BRD3OS: variants seen among roughly 807,000 people sequenced by gnomAD.
The protein encoded by BRD3OS is uncharacterized protein BRD3OS.
At position 134,029,836 on chromosome 9, in the gene BRD3OS, C is replaced by T. The variant is rs1172302165; in HGVS notation, c.*2834C>T. 6.6e-6 allele frequency: 1 copy of T among 152,238 alleles called. No homozygotes were observed. Among genetic ancestry groups the T allele is most frequent in the African/African-American group, 2.4e-5 (1 of 41,446 alleles). The allele number at this position is 152,238 out of a possible 1,614,324, so 9.4% of individuals were successfully genotyped here. A position where few individuals can be genotyped will look rare whatever the true frequency, so the allele number is the denominator to read the frequency against. On this transcript the variant is annotated 3_prime_UTR_variant, in exon 3 of 3. Transcript: ENST00000603928. The stretch of plus-strand genomic sequence containing the variant: ...CTGTCTCGAAGAGGGCAGCTTGTTC[C>T]AGGGAACCAATGAACTGTCAGTAAA...
Position 134,027,059 on chromosome 9 carries a change from T to C in BRD3OS, c.*57T>C. The stretch of plus-strand genomic sequence containing the variant: ...ACTTTGAGGAAAACAGACCTGAGTT[T>C]CATTCAGTTGTCTTGTTGATTTCCA... On this transcript the variant is annotated 3_prime_UTR_variant, in exon 3 of 3. Coordinates refer to ENST00000603928, the MANE Select transcript of BRD3OS (RefSeq NM_001355256.2). The C allele has an allele frequency of 2.5e-6, 1 of 398,630 alleles. No homozygotes were observed. Among genetic ancestry groups the C allele is most frequent in the African/African-American group, 2.1e-5 (1 of 48,774 alleles). The allele number at this position is 398,630 out of a possible 1,614,324, so 24.7% of individuals were successfully genotyped here.
rs35773971 is a variant in BRD3OS, at chr9:134,029,365, CGT to C, written c.*2367_*2368del. The C allele has an allele frequency of 4.0e-3, 609 of 152,398 alleles. 2 individuals are homozygous for C. Among genetic ancestry groups the C allele is most frequent in the Middle Eastern group, 6.8e-3 (2 of 294 alleles). The allele number at this position is 152,398 out of a possible 1,614,324, so 9.4% of individuals were successfully genotyped here. ...GGGCCAGTCTCTGCAGGGGTCAGGGCGTGTGGGCCACGCACAAGGAGCTGGCA... is the reference window on the plus strand; with the variant it reads ...GGGCCAGTCTCTGCAGGGGTCAGGGCGTGGGCCACGCACAAGGAGCTGGCA... On this transcript the variant is annotated 3_prime_UTR_variant, in exon 3 of 3. Transcript: ENST00000603928.
rs1843438913 is a variant in BRD3OS at position 134,027,115 on chromosome 9, G to A, written c.*113G>A. The A allele has an allele frequency of 1.0e-5, 4 of 396,512 alleles. No individual in the cohort carries two copies. Among genetic ancestry groups the A allele is most frequent in the Admixed American group, 4.4e-5 (1 of 22,676 alleles). 24.6% of individuals were successfully genotyped at this position (396,512 alleles called of 1,614,324 possible). A position where few individuals can be genotyped will look rare whatever the true frequency, so the allele number is the denominator to read the frequency against. ...TGCTGGAAGATTTTGAATAATGAAC[G>A]TGAAGATCAAACTGTGGTGTAAGAA... On this transcript the variant is annotated 3_prime_UTR_variant, in exon 3 of 3. Transcript: ENST00000603928.
chr9:134,028,177 TGTAA>T lies in BRD3OS; in HGVS notation c.*1176_*1179del, dbSNP rs1022756042. 3 of 152,364 alleles carry T rather than the reference TGTAA, an allele frequency of 2.0e-5. No homozygotes were observed. The highest frequency in any genetic ancestry group is 4.8e-5 in the African/African-American group (2 of 41,586). The allele number at this position is 152,364 out of a possible 1,614,324, so 9.4% of individuals were successfully genotyped here. A position where few individuals can be genotyped will look rare whatever the true frequency, so the allele number is the denominator to read the frequency against. On this transcript the variant is annotated 3_prime_UTR_variant, in exon 3 of 3. Transcript: ENST00000603928. ...CTTCCCATTTTTTATAGCAGTAATA[TGTAA>T]TTGATTGCTAAAGACTGCAATACAC...
At position 134,030,764 on chromosome 9, in the gene BRD3OS, G is replaced by A; in HGVS notation, c.*3762G>A. 4.3e-6 allele frequency: 1 copy of A among 232,070 alleles called. No homozygotes were observed. The highest frequency in any genetic ancestry group is 8.5e-6 in the Non-Finnish European group (1 of 117,258). The allele number at this position is 232,070 out of a possible 1,614,324, so 14.4% of individuals were successfully genotyped here. On this transcript the variant is annotated 3_prime_UTR_variant, in exon 3 of 3. Transcript: ENST00000603928. ...AATGTGTCTTACAGTTTGTAAGCAAGATGACACTGCCCAACACAAAGAGGG... is the reference window on the plus strand; with the variant it reads ...AATGTGTCTTACAGTTTGTAAGCAAAATGACACTGCCCAACACAAAGAGGG...
rs758186044 is a variant in BRD3OS at position 134,027,230 on chromosome 9, G to A, written c.*228G>A. 1 of 340,294 alleles carries A rather than the reference G, an allele frequency of 2.9e-6. No individual in the cohort carries two copies. The highest frequency in any genetic ancestry group is 5.3e-6 in the Non-Finnish European group (1 of 189,736). 21.1% of individuals were successfully genotyped at this position (340,294 alleles called of 1,614,324 possible). A position where few individuals can be genotyped will look rare whatever the true frequency, so the allele number is the denominator to read the frequency against. ...ACACTTCCCCTCTAGAGTCCCCTCC[G>A]TGGTCAGCTGTTGTGACATTTGAAT... On this transcript the variant is annotated 3_prime_UTR_variant, in exon 3 of 3. Transcript: ENST00000603928.
Position 134,030,749 on chromosome 9 carries a change from A to G in BRD3OS, c.*3747A>G. 4.3e-6 allele frequency: 1 copy of G among 232,148 alleles called. No individual in the cohort carries two copies. Among genetic ancestry groups the G allele is most frequent in the Non-Finnish European group, 8.5e-6 (1 of 117,336 alleles). The allele number at this position is 232,148 out of a possible 1,614,324, so 14.4% of individuals were successfully genotyped here. A position where few individuals can be genotyped will look rare whatever the true frequency, so the allele number is the denominator to read the frequency against. On this transcript the variant is annotated 3_prime_UTR_variant, in exon 3 of 3. Coordinates refer to ENST00000603928, the MANE Select transcript of BRD3OS (RefSeq NM_001355256.2). ...ACAAACACACAAAAAAATGTGTCTT[A>G]CAGTTTGTAAGCAAGATGACACTGC...
Position 134,026,980 on chromosome 9 carries a change from C to T in BRD3OS, c.233C>T (p.Ser78Phe), listed in dbSNP as rs1843437172. Reference protein sequence around the residue: ...KLEVSRDTGQSKFCTIM With the variant: ...KLEVSRDTGQFKFCTIM Reference sequence around the variant, plus strand: ...GAGGTCTCTAGGGACACAGGGCAGTCCAAGTTTTGCACAATTATGTAATTC... The same window carrying T: ...GAGGTCTCTAGGGACACAGGGCAGTTCAAGTTTTGCACAATTATGTAATTC... The change falls in exon 3 of 3, where the codon TCC becomes TTC. Residue 78 changes from serine (S) to phenylalanine (F), a missense_variant. By Grantham distance (155) the Ser-to-Phe change is radical. Coordinates refer to ENST00000603928, the MANE Select transcript of BRD3OS (RefSeq NM_001355256.2). This position sits in a 1 kb window ranked among gnomAD's most constrained non-coding sequence, Gnocchi z 4.4. The T allele has an allele frequency of 5.0e-6, 2 of 398,730 alleles. No homozygotes were observed. Among genetic ancestry groups the T allele is most frequent in the African/African-American group, 4.1e-5 (2 of 48,614 alleles). The allele number at this position is 398,730 out of a possible 1,614,324, so 24.7% of individuals were successfully genotyped here.
At position 134,028,812 on chromosome 9, in the gene BRD3OS, G is replaced by A. The variant is rs1022169947; in HGVS notation, c.*1810G>A. The A allele has an allele frequency of 2.6e-5, 4 of 152,294 alleles. No homozygotes were observed. In the East Asian group the frequency reaches 7.7e-4, roughly 29 times the overall value. 9.4% of individuals were successfully genotyped at this position (152,294 alleles called of 1,614,324 possible). ...CTGAATGTGCCTGTACTCTGTTCGT[G>A]CTTCTCTTTGCAGCTGTGCAAGTTC... is the stretch of plus-strand genomic sequence containing the variant. On this transcript the variant is annotated 3_prime_UTR_variant, in exon 3 of 3. Transcript: ENST00000603928.
In BRD3OS at chr9:134,026,833, GGCA is replaced by G; in HGVS notation, c.93_95del (p.Gln34del). On this transcript the variant is annotated inframe_deletion, in exon 3 of 3. Coordinates refer to ENST00000603928, the MANE Select transcript of BRD3OS (RefSeq NM_001355256.2). The surrounding 1 kb of genome is among the most constrained non-coding windows in gnomAD (Gnocchi z 4.4). ...TACAGGGACACCTCCTTGCTCATCT[GGCA>G]GCAGCAACAGCAGAAGTTGGAGTCG... 1 of 398,956 alleles carries G rather than the reference GGCA, an allele frequency of 2.5e-6. No individual in the cohort carries two copies. The highest frequency in any genetic ancestry group is 4.4e-6 in the Non-Finnish European group (1 of 226,096). The allele number at this position is 398,956 out of a possible 1,614,324, so 24.7% of individuals were successfully genotyped here.
intron 1 of BRD3OS, 112 bp downstream of exon 1, chr9:134,025,648 G>T (rs1843420814): frequency 2.0e-5 from 3 of 152,396 alleles, no homozygotes; most frequent in Admixed American, 2.0e-4. Flanking sequence ...TGGGGGCCGC[G>T]GGCCACGCGA....
In BRD3OS at chr9:134,027,319, C is replaced by A. The variant is rs398247; in HGVS notation, c.*317C>A. On this transcript the variant is annotated 3_prime_UTR_variant, in exon 3 of 3. Coordinates refer to ENST00000603928, the MANE Select transcript of BRD3OS (RefSeq NM_001355256.2). The stretch of plus-strand genomic sequence containing the variant: ...TGCTAGATGCTTGGTTTAAACCAGG[C>A]CAAGAGTAACCCTCCCATCCCCATT... 0.024 allele frequency: 5,495 copies of A among 231,434 alleles called. 84 individuals carry two copies. The highest frequency in any genetic ancestry group is 0.034 in the Non-Finnish European group (4,078 of 120,476). 14.3% of individuals were successfully genotyped at this position (231,434 alleles called of 1,614,324 possible). A position where few individuals can be genotyped will look rare whatever the true frequency, so the allele number is the denominator to read the frequency against.
rs531319873 is a variant in BRD3OS, at chr9:134,027,047, C to G, written c.*45C>G. 2.8e-4 allele frequency: 113 copies of G among 398,724 alleles called. No individual in the cohort carries two copies. The highest frequency in any genetic ancestry group is 2.2e-3 in the African/African-American group (105 of 48,762). 24.7% of individuals were successfully genotyped at this position (398,724 alleles called of 1,614,324 possible). A position where few individuals can be genotyped will look rare whatever the true frequency, so the allele number is the denominator to read the frequency against. On this transcript the variant is annotated 3_prime_UTR_variant, in exon 3 of 3. Transcript: ENST00000603928. ...ACCCAGGACCACACTTTGAGGAAAA[C>G]AGACCTGAGTTTCATTCAGTTGTCT...
rs1202020892 is a variant in BRD3OS at position 134,029,996 on chromosome 9, A to C, written c.*2994A>C. ...TGTCCAGGCTGGAGTGCAGTGATGC[A>C]ATCATGGCTTACTGCAGCCTCAAAC... On this transcript the variant is annotated 3_prime_UTR_variant, in exon 3 of 3. Coordinates refer to ENST00000603928, the MANE Select transcript of BRD3OS (RefSeq NM_001355256.2). 6.6e-6 allele frequency: 1 copy of C among 152,214 alleles called. No homozygotes were observed. Among genetic ancestry groups the C allele is most frequent in the East Asian group, 1.9e-4 (1 of 5,200 alleles). 9.4% of individuals were successfully genotyped at this position (152,214 alleles called of 1,614,324 possible).
rs2078519094 is a variant in BRD3OS, at chr9:134,029,086, CCCG to C, written c.*2087_*2089del. Reference sequence around the variant, plus strand: ...GCTGACACTCCCACAGCAAGGCGGGCCCGCCAAGGAAGCACTCCACATCCGCTA... The same window carrying C: ...GCTGACACTCCCACAGCAAGGCGGGCCCAAGGAAGCACTCCACATCCGCTA... On this transcript the variant is annotated 3_prime_UTR_variant, in exon 3 of 3. Coordinates refer to ENST00000603928, the MANE Select transcript of BRD3OS (RefSeq NM_001355256.2). 1 of 152,266 alleles carries C rather than the reference CCCG, an allele frequency of 6.6e-6. No individual in the cohort carries two copies. The highest frequency in any genetic ancestry group is 1.5e-5 in the Non-Finnish European group (1 of 68,072). 9.4% of individuals were successfully genotyped at this position (152,266 alleles called of 1,614,324 possible). A position where few individuals can be genotyped will look rare whatever the true frequency, so the allele number is the denominator to read the frequency against.
At position 134,030,487 on chromosome 9, in the gene BRD3OS, A is replaced by T; in HGVS notation, c.*3485A>T. ...ATTGGACTCATTTTCAGTAACTGAC[A>T]TTTACAGGAATATACTAGAAACGGC... On this transcript the variant is annotated 3_prime_UTR_variant, in exon 3 of 3. Transcript: ENST00000603928. 1 of 202,984 alleles carries T rather than the reference A, an allele frequency of 4.9e-6. No homozygotes were observed. Among genetic ancestry groups the T allele is most frequent in the East Asian group, 7.6e-5 (1 of 13,242 alleles). The allele number at this position is 202,984 out of a possible 1,614,324, so 12.6% of individuals were successfully genotyped here.
rs964645197 is a variant in BRD3OS, at chr9:134,028,756, T to G, written c.*1754T>G. Reference sequence around the variant, plus strand: ...CCCACAGACGGGCACAGTGACAGCATCCAGGTTGTCATCTGTGCAAACAGC... The same window carrying G: ...CCCACAGACGGGCACAGTGACAGCAGCCAGGTTGTCATCTGTGCAAACAGC... On this transcript the variant is annotated 3_prime_UTR_variant, in exon 3 of 3. Transcript: ENST00000603928. 1 of 152,278 alleles carries G rather than the reference T, an allele frequency of 6.6e-6. No homozygotes were observed. The highest frequency in any genetic ancestry group is 2.4e-5 in the African/African-American group (1 of 41,466). 9.4% of individuals were successfully genotyped at this position (152,278 alleles called of 1,614,324 possible).
rs2132362614 is a variant in BRD3OS at position 134,030,260 on chromosome 9, A to G, written c.*3258A>G. On this transcript the variant is annotated 3_prime_UTR_variant, in exon 3 of 3. Transcript: ENST00000603928. Reference sequence around the variant, plus strand: ...TCCAGGCTCCAGGAGAGAGGCTGGGAGCCCCCACAGAAAGCACAGGAAAAT... The same window carrying G: ...TCCAGGCTCCAGGAGAGAGGCTGGGGGCCCCCACAGAAAGCACAGGAAAAT... 6.9e-6 allele frequency: 1 copy of G among 145,824 alleles called. No individual in the cohort carries two copies. Among genetic ancestry groups the G allele is most frequent in the Admixed American group, 7.5e-5 (1 of 13,294 alleles). The allele number at this position is 145,824 out of a possible 1,614,324, so 9.0% of individuals were successfully genotyped here.
Position 134,028,446 on chromosome 9 carries a change from T to C in BRD3OS, c.*1444T>C, listed in dbSNP as rs2132359626. On this transcript the variant is annotated 3_prime_UTR_variant, in exon 3 of 3. Coordinates refer to ENST00000603928, the MANE Select transcript of BRD3OS (RefSeq NM_001355256.2). ...CTCTGTTGCCCAGGCTGGAGTGCAATGGCACAATCTCAGCTCACTGCAACC... is the reference window on the plus strand; with the variant it reads ...CTCTGTTGCCCAGGCTGGAGTGCAACGGCACAATCTCAGCTCACTGCAACC... The C allele has an allele frequency of 6.6e-6, 1 of 152,434 alleles. No homozygotes were observed. Among genetic ancestry groups the C allele is most frequent in the Non-Finnish European group, 1.5e-5 (1 of 68,102 alleles). The allele number at this position is 152,434 out of a possible 1,614,324, so 9.4% of individuals were successfully genotyped here. A position where few individuals can be genotyped will look rare whatever the true frequency, so the allele number is the denominator to read the frequency against.
Sources: gnomAD v4.1 joint callset for allele counts on GRCh38, gnomAD v4.1.1 for gene constraint, Gnocchi (gnomAD v3.1) non-coding constraint, MANE v1.5 for transcripts, NCBI Gene and HGNC (gene_info 2026-07-23, HGNC 2026-07-21) for gene names.